The following ESRRB variants were observed in gnomAD, a reference collection of about 807,000 sequenced individuals.
ESRRB encodes the protein estrogen related receptor beta.
Under a neutral mutation model 46.0 loss-of-function variants are expected in ESRRB, and 16 were observed. The observed-to-expected ratio is 0.35, with a 90% CI of 0.24 to 0.53. The LOEUF is 0.53. Among genes scored for constraint, ESRRB ranks in the 20% least tolerant of loss-of-function variants. The pLI is 0.93. For missense variants in ESRRB, 488 were observed against 607.4 expected (o/e 0.80, Z 2.07); for synonymous variants, 246 against 259.6 (o/e 0.95, Z 0.50).
At chr14:76,480,303 G>C (rs2140027809) in intron 3 of ESRRB, among the ~76,000 whole-genome samples, 1 of 152,284 alleles carries the variant, frequency 6.6e-6, no homozygotes, top group Middle Eastern at 3.4e-3. Context: ...GAGGAGTTGT[G>C]GGCTCACTCA....
At chr14:76,469,929 G>GTTTTTTTTTTTTTTTTT (rs769935944) in intron 3 of ESRRB, among the ~76,000 whole-genome samples, 10 of 78,742 alleles carry the variant, frequency 1.3e-4, no homozygotes, top group South Asian at 9.7e-4. Context: ...GTTTTTTGTT[G>GTTTTTTTTTTTTTTTTT]TTTTTTTTTT....
chr14:76,498,651 GGGCA>G lies in ESRRB; in HGVS notation c.*196_*199del. On this transcript the variant is annotated 3_prime_UTR_variant, in exon 7 of 7. Coordinates refer to ENST00000644823, the MANE Select transcript of ESRRB (RefSeq NM_001379180.1). ...AGTGGGGTGGGGGACGGGGATGGGG[GGGCA>G]GGGGTGTGGGGCTCGACTGTAACTG... is the stretch of plus-strand genomic sequence containing the variant. The G allele has an allele frequency of 8.5e-7, 1 of 1,175,426 alleles. No individual in the cohort carries two copies. Among genetic ancestry groups the G allele is most frequent in the Non-Finnish European group, 1.2e-6 (1 of 848,568 alleles). The allele number at this position is 1,175,426 out of a possible 1,614,324, so 72.8% of individuals were successfully genotyped here.
chr14:76,358,952 G>C (rs985233975), intron 1 of ESRRB, among the ~76,000 whole-genome samples: 1 of 152,194 alleles, frequency 6.6e-6, no homozygotes. Context: ...TCTGTGGTGG[G>C]ACCCGAGAAT....
intron 3 of ESRRB, among the ~76,000 whole-genome samples, chr14:76,480,858 G>A (rs1889778976): frequency 6.6e-6 from 1 of 152,252 alleles, no homozygotes; most frequent in African/African-American, 2.4e-5. Context: ...AACCTGGCCT[G>A]TCGCAGCAGA....
At chr14:76,401,142 T>C (rs1566877522) in intron 1 of ESRRB, among the ~76,000 whole-genome samples, 1 of 152,164 alleles carries the variant, frequency 6.6e-6, no homozygotes, top group East Asian at 1.9e-4. Context: ...TCCTGTGTCA[T>C]AGGAAAAGGG....
upstream of ESRRB, among the ~76,000 whole-genome samples, chr14:76,374,955 C>G (rs1884712648): frequency 3.3e-5 from 5 of 152,196 alleles, no homozygotes. Context: ...GCTGGCCCCT[C>G]CTGGGGTTTC....
intron 1 of ESRRB, among the ~76,000 whole-genome samples, chr14:76,406,229 G>A (rs1886178815): frequency 6.6e-6 from 1 of 152,164 alleles, no homozygotes; most frequent in Non-Finnish European, 1.5e-5. Flanking sequence ...GGCAAGGGAG[G>A]ACACTGGAGA....
chr14:76,435,141 C>T (rs1238376246), intron 1 of ESRRB, among the ~76,000 whole-genome samples: 2 of 152,198 alleles, frequency 1.3e-5, no homozygotes, highest in Non-Finnish European at 2.9e-5. Context: ...CCGCTAGTAT[C>T]GCCCAGCCTC....
At chr14:76,380,678 A>G (rs553625550) in intron 1 of ESRRB, among the ~76,000 whole-genome samples, 1 of 152,154 alleles carries the variant, frequency 6.6e-6, no homozygotes, top group East Asian at 1.9e-4. Context: ...ATTAGCGAGG[A>G]TGCCGCACAG....
chr14:76,500,832 G>A lies in ESRRB; in HGVS notation c.*2374G>A, dbSNP rs1595181328. On this transcript the variant is annotated 3_prime_UTR_variant, in exon 7 of 7. Coordinates refer to ENST00000644823, the MANE Select transcript of ESRRB (RefSeq NM_001379180.1). ...AGAGCCCCTCTAGCAGAGTGGGGCG[G>A]AAGTCCTGATGGTTGGTGTCCATGA... 2.5e-6 allele frequency: 3 copies of A among 1,204,830 alleles called. No homozygotes were observed. The highest frequency in any genetic ancestry group is 4.7e-5 in the East Asian group (2 of 42,922). The allele number at this position is 1,204,830 out of a possible 1,614,324, so 74.6% of individuals were successfully genotyped here.
At chr14:76,429,005 C>T (rs1887318387) in intron 1 of ESRRB, among the ~76,000 whole-genome samples, 1 of 152,050 alleles carries the variant, frequency 6.6e-6, no homozygotes, top group South Asian at 2.1e-4. Context: ...GCCCTGGGTC[C>T]CAGAGGGCCC....
intron 1 of ESRRB, among the ~76,000 whole-genome samples, chr14:76,410,774 CTTATTTTTTT>C (rs1358420551): frequency 6.6e-6 from 1 of 151,796 alleles, no homozygotes; most frequent in Non-Finnish European, 1.5e-5. Flanking sequence ...CTCTTTTCTT[CTTATTTTTTT>C]TTATTTTTTT....
At chr14:76,332,462 T>TATATTCTATATATATATAATATATAA (rs1595046443) in intron 1 of ESRRB, among the ~76,000 whole-genome samples, 2 of 116,838 alleles carry the variant, frequency 1.7e-5, no homozygotes, top group Admixed American at 1.3e-4. Flanking sequence ...CATATATATA[T>TATATTCTATATATATATAATATATAA]ATATTCTATA....
At chr14:76,484,709 T>A (rs761413503) in intron 5 of ESRRB, among the ~76,000 whole-genome samples, 17 of 152,124 alleles carry the variant, frequency 1.1e-4, no homozygotes, top group Non-Finnish European at 2.4e-4. Context: ...CAGCTCCATC[T>A]CCCATCTGTG....
At chr14:76,330,259 G>A (rs1037679549) in intron 1 of ESRRB, among the ~76,000 whole-genome samples, 5 of 152,302 alleles carry the variant, frequency 3.3e-5, no homozygotes, top group African/African-American at 1.2e-4. Flanking sequence ...AGTGATGTGG[G>A]ATGGGGTCCC....
chr14:76,323,306 C>CT lies in ESRRB; in HGVS notation c.2+12406dup, dbSNP rs57281578. On this transcript the variant is annotated intron_variant, in intron 1 of 6. Coordinates refer to the ESRRB transcript ENST00000512784. ...TTTTGGTCTCTCTCTCTCTCTTTCT[C>CT]TTTTTTTTTTTTTTTTCTTTTGAGA... Among the ~76,000 whole-genome samples, 435 of 138,322 alleles carry CT rather than the reference C, an allele frequency of 3.1e-3. 1 individual carries two copies. Among genetic ancestry groups the CT allele is most frequent in the Middle Eastern group, 3.9e-3 (1 of 258 alleles). The allele number at this position is 138,322 out of a possible 152,430, so 90.7% of individuals were successfully genotyped here. A position where few individuals can be genotyped will look rare whatever the true frequency, so the allele number is the denominator to read the frequency against.
At chr14:76,314,516 T>C (rs1014347307) in intron 1 of ESRRB, among the ~76,000 whole-genome samples, 3 of 152,184 alleles carry the variant, frequency 2.0e-5, no homozygotes, top group African/African-American at 7.2e-5. Flanking sequence ...ACTTTGGTCA[T>C]GCCCCTGGAG....
intron 1 of ESRRB, among the ~76,000 whole-genome samples, chr14:76,359,523 C>T (rs1014890038): frequency 2.6e-5 from 4 of 152,170 alleles, no homozygotes; most frequent in African/African-American, 9.7e-5. Flanking sequence ...TCCCCATTGC[C>T]CAGAGAGTTG....
chr14:76,458,589 C>T (rs146663339), intron 2 of ESRRB, among the ~76,000 whole-genome samples: 56 of 152,310 alleles, frequency 3.7e-4, no homozygotes, highest in African/African-American at 1.3e-3. Context: ...TGCACACACA[C>T]TTCCTGACTC....
Sources: allele counts gnomAD v4.1 joint callset (sites outside exome capture counted in the v4.1 genomes callset), GRCh38; gene constraint gnomAD v4.1.1; transcripts MANE v1.5; gene names NCBI Gene and HGNC (gene_info 2026-07-23, HGNC 2026-07-21).